DNAH8: variants seen among roughly 807,000 people sequenced by gnomAD.
DNAH8 encodes dynein axonemal heavy chain 8.
Under a neutral mutation model 562.1 loss-of-function variants are expected in DNAH8, and 382 were observed. The observed-to-expected ratio is 0.68, with a 90% CI of 0.63 to 0.74. The LOEUF (loss-of-function observed/expected upper bound fraction) is 0.74, where lower values mean the gene tolerates loss of function less well. Ranked by LOEUF, DNAH8 falls within the 30% of genes least tolerant of loss-of-function variation. DNAH8 has a pLI of 0.00. For synonymous variants in DNAH8, 1,881 were observed against 1,919.4 expected (o/e 0.98, Z 0.52); for missense variants, 5,203 against 5,620.4 (o/e 0.93, Z 2.37).
intron 21 of DNAH8, among the ~76,000 whole-genome samples, chr6:38,800,982 C>T (rs949056495): frequency 6.6e-6 from 1 of 151,740 alleles, no homozygotes; most frequent in East Asian, 1.9e-4. Flanking sequence ...TTTTTTTTCT[C>T]CCAGTCTTTG....
intron 81 of DNAH8, among the ~76,000 whole-genome samples, chr6:38,950,983 G>C (rs1351614944): frequency 6.6e-6 from 1 of 152,092 alleles, no homozygotes; most frequent in Non-Finnish European, 1.5e-5. Context: ...CTTACTTTGG[G>C]CATCTTTGGC....
intron 35 of DNAH8, 32 bp from the exon 36 acceptor site, chr6:38,845,542 A>G (rs779053323): frequency 6.4e-7 from 1 of 1,574,358 alleles, no homozygotes; most frequent in Admixed American, 1.7e-5. Context: ...AGTTGAAAAC[A>G]TCATGACATA....
At chr6:38,993,442 GT>G (rs138077994) in intron 88 of DNAH8, among the ~76,000 whole-genome samples, 3,722 of 151,868 alleles carry the variant, frequency 0.025, 62 homozygotes, top group Non-Finnish European at 0.028. Context: ...ACATTTAAGG[GT>G]TTTTTTCCCC....
Position 38,883,303 on chromosome 6 carries a change from T to C in DNAH8, c.8002-19T>C. 6.2e-7 allele frequency: 1 copy of C among 1,601,838 alleles called. No individual in the cohort carries two copies. Among genetic ancestry groups the C allele is most frequent in the Non-Finnish European group, 8.5e-7 (1 of 1,175,634 alleles). On this transcript the variant is annotated intron_variant, in intron 54 of 92. Coordinates refer to ENST00000327475, the MANE Select transcript of DNAH8 (RefSeq NM_001206927.2). ...AATAAGTTGTAACACATTTCAACACTATTATCCTATGATTGCAGGCTGTTT... is the reference window on the plus strand; with the variant it reads ...AATAAGTTGTAACACATTTCAACACCATTATCCTATGATTGCAGGCTGTTT...
intron 26 of DNAH8, 67 bp from the exon 27 acceptor site, chr6:38,822,771 A>C (rs1353959264): frequency 1.7e-6 from 2 of 1,180,352 alleles, no homozygotes; most frequent in East Asian, 5.4e-5. Flanking sequence ...AATCACAAAT[A>C]TTAAAACTGA....
At chr6:38,773,538 C>G (rs908204899) in intron 12 of DNAH8, among the ~76,000 whole-genome samples, 1 of 152,100 alleles carries the variant, frequency 6.6e-6, no homozygotes, top group African/African-American at 2.4e-5. Flanking sequence ...AAGTGCTCAG[C>G]AACCAGAGCT....
At chr6:38,733,103 G>A (rs1291024736) in intron 4 of DNAH8, among the ~76,000 whole-genome samples, 1 of 152,174 alleles carries the variant, frequency 6.6e-6, no homozygotes, top group Non-Finnish European at 1.5e-5. Context: ...TGTTGCCCAG[G>A]TTGGTCTCAA....
chr6:38,900,620 A>G (rs1462691275), intron 62 of DNAH8, among the ~76,000 whole-genome samples: 1 of 149,294 alleles, frequency 6.7e-6, no homozygotes, highest in African/African-American at 2.5e-5. Flanking sequence ...ATTTTAGCAA[A>G]TCTTTTTTTT....
chr6:38,785,972 A>G (rs1357680132), intron 17 of DNAH8, among the ~76,000 whole-genome samples: 1 of 152,196 alleles, frequency 6.6e-6, no homozygotes, highest in East Asian at 1.9e-4. Context: ...GAGGTTTGGA[A>G]GATTTGGTAA....
In DNAH8 at chr6:38,985,957, A is replaced by G. The variant is rs545588189; in HGVS notation, c.13053+1650A>G. ...CTGAAAGAGGATCGAGTGGCACATC[A>G]TAGCATCCACTACAAAAACCTAAGA... On this transcript the variant is annotated intron_variant, in intron 87 of 92. Transcript: ENST00000327475. Among the ~76,000 whole-genome samples, 6 of 152,332 alleles carry G rather than the reference A, an allele frequency of 3.9e-5. No individual in the cohort carries two copies. In the East Asian group the frequency reaches 1.2e-3, roughly 29 times the overall value.
chr6:38,935,991 T>C (rs1474208411), intron 77 of DNAH8, among the ~76,000 whole-genome samples: 1 of 152,078 alleles, frequency 6.6e-6, no homozygotes, highest in African/African-American at 2.4e-5. Context: ...TAGGTTAATT[T>C]GCTTGCCCCA....
At chr6:38,891,387 C>G (rs1779330607) in intron 58 of DNAH8, among the ~76,000 whole-genome samples, 1 of 152,136 alleles carries the variant, frequency 6.6e-6, no homozygotes, top group African/African-American at 2.4e-5. Context: ...TGACAAAAAG[C>G]CATGAAGGAG....
intron 9 of DNAH8, among the ~76,000 whole-genome samples, chr6:38,753,874 GA>G (rs2127598214): frequency 6.6e-6 from 1 of 152,198 alleles, no homozygotes; most frequent in East Asian, 1.9e-4. Context: ...ATCACCTTTT[GA>G]AATGACAGAA....
At chr6:38,803,410 T>G in intron 22 of DNAH8, 99 bp downstream of exon 22, 2 of 817,434 alleles carry the variant, frequency 2.4e-6, no homozygotes, top group Non-Finnish European at 3.8e-6. Context: ...AGACCCTCCC[T>G]TCCCCAGAAG....
chr6:38,937,069 C>G (rs945028183), intron 77 of DNAH8, among the ~76,000 whole-genome samples: 1 of 151,966 alleles, frequency 6.6e-6, no homozygotes, highest in Non-Finnish European at 1.5e-5. Flanking sequence ...ATGGATGAAA[C>G]TGGAAACCAT....
chr6:38,864,014 G>A lies in DNAH8; in HGVS notation c.6452G>A (p.Gly2151Asp). ...AAGAAACAGTTCATTTTTTCTGATG[G>A]TGATTGTGTTGATTTAAATCCAGAA... ...ERKKQFIFSD[G>D]DCVDLNPEFG... The change falls in exon 45 of 93, where the codon GGT (glycine) becomes GAT (aspartate). Residue 2151 changes from glycine to aspartate, a missense_variant. Gly to Asp is a moderately conservative substitution (Grantham distance 94). This residue lies in a region of DNAH8 where 2,176 missense variants were observed against 2,365.1 expected (regional missense o/e 0.92). Coordinates refer to ENST00000327475, the MANE Select transcript of DNAH8 (RefSeq NM_001206927.2). 6.2e-7 allele frequency: 1 copy of A among 1,608,938 alleles called. No homozygotes were observed.
rs543164921 is a variant in DNAH8, at chr6:38,928,713, A to C, written c.11119-798A>C. Reference sequence around the variant, plus strand: ...TCCTTGCATCTTATGGTCTGCACCCACAATAGCCTAAGGCATTAGTTGAAT... The same window carrying C: ...TCCTTGCATCTTATGGTCTGCACCCCCAATAGCCTAAGGCATTAGTTGAAT... On this transcript the variant is annotated intron_variant, in intron 74 of 92. Coordinates refer to ENST00000327475, the MANE Select transcript of DNAH8 (RefSeq NM_001206927.2). Among the ~76,000 whole-genome samples, 357 of 152,294 alleles carry C rather than the reference A, an allele frequency of 2.3e-3. 1 individual carries two copies. Among genetic ancestry groups the C allele is most frequent in the Non-Finnish European group, 2.9e-3 (198 of 68,028 alleles).
chr6:38,898,825 T>C (rs1220373853), intron 61 of DNAH8, among the ~76,000 whole-genome samples: 1 of 152,120 alleles, frequency 6.6e-6, no homozygotes, highest in Non-Finnish European at 1.5e-5. Context: ...TATATAGGAC[T>C]GGTGAGAGAA....
chr6:38,788,237 C>T (rs1389433437), intron 18 of DNAH8, among the ~76,000 whole-genome samples: 2 of 151,850 alleles, frequency 1.3e-5, no homozygotes, highest in Admixed American at 6.6e-5. Context: ...CTGCAACCTC[C>T]GCCTCCTGGG....
Sources: allele counts gnomAD v4.1 joint callset (sites outside exome capture counted in the v4.1 genomes callset), GRCh38; gene constraint gnomAD v4.1.1; regional missense constraint gnomAD v4.1.1; transcripts MANE v1.5; gene names NCBI Gene and HGNC (gene_info 2026-07-23, HGNC 2026-07-21).